Variants in SRGAP3 observed in about 807,000 individuals in gnomAD.
SRGAP3 encodes SLIT-ROBO Rho GTPase-activating protein 3.
Under a neutral mutation model 121.1 loss-of-function variants are expected in SRGAP3, and 39 were observed. That is an observed-to-expected ratio of 0.32 (90% CI 0.25 to 0.42). The LOEUF is 0.42. Among genes scored for constraint, SRGAP3 ranks in the 10% least tolerant of loss-of-function variants. The pLI, the probability that SRGAP3 is intolerant of heterozygous loss-of-function variation, is 1.00. For synonymous variants in SRGAP3, 601 were observed against 570.0 expected, an observed-to-expected ratio of 1.05 and a Z score of -0.77; for missense variants, 1,213 against 1,470.6, an observed-to-expected ratio of 0.82 and a Z score of 2.86.
At chr3:9,024,727 G>C (rs897529387) in intron 14 of SRGAP3, among the ~76,000 whole-genome samples, 1 of 152,158 alleles carries the variant, frequency 6.6e-6, no homozygotes, top group Admixed American at 6.5e-5. Flanking sequence ...GCAATGTGTG[G>C]CTTGCCAAAA....
At chr3:9,073,400 C>T (rs918102931) in intron 4 of SRGAP3, among the ~76,000 whole-genome samples, 1 of 152,240 alleles carries the variant, frequency 6.6e-6, no homozygotes, top group African/African-American at 2.4e-5. Flanking sequence ...CTGACTTGGC[C>T]TCCCAAAGTG....
chr3:8,990,774 G>A lies in SRGAP3; in HGVS notation c.2624C>T (p.Pro875Leu), dbSNP rs761039298. 1.1e-5 allele frequency: 17 copies of A among 1,601,536 alleles called. No individual in the cohort carries two copies. Among genetic ancestry groups the A allele is most frequent in the South Asian group, 2.2e-5 (2 of 90,086 alleles). Reference sequence around the variant, plus strand: ...TATGCTGGGGCCCAGGCCCCGGGGCGGGCTGTGTGTGTCGCCCCCGCTTCG... The same window carrying A: ...TATGCTGGGGCCCAGGCCCCGGGGCAGGCTGTGTGTGTCGCCCCCGCTTCG... ...RRRSGGDTHS[P>L]PRGLGPSIDT... is the part of the protein sequence containing the mutation. Residue 875 changes from proline (P) to leucine (L), a missense_variant, in exon 21 of 22, where the codon CCG (proline) becomes CTG (leucine). Physicochemically the swap from Pro to Leu is moderately conservative, Grantham distance 98. Around this residue, in one of 2 missense-constraint regions of SRGAP3, gnomAD observed 420 missense variants for 437.7 expected, o/e 0.96. Transcript: ENST00000383836.
intron 11 of SRGAP3, 42 bp from the exon 12 acceptor site, chr3:9,032,794 C>T (rs1433374597): frequency 1.3e-6 from 2 of 1,547,746 alleles, no homozygotes; most frequent in South Asian, 2.2e-5. Context: ...AAGCAACCAA[C>T]ATAAACATAC....
In SRGAP3 at chr3:9,356,586, G is replaced by A. The variant is rs376968243; in HGVS notation, n.214+6254C>T. ...GATGGGGTTTCACCGTGTTAGCCAG[G>A]ATGGTCTCGATCTCCTGACCTCGTG... On this transcript the variant is annotated intron_variant and non_coding_transcript_variant, in intron 1 of 3. Transcript: ENST00000490889. 3.4e-4 allele frequency among the ~76,000 whole-genome samples: 51 copies of A among 151,810 alleles called. 1 individual carries two copies. The South Asian group carries it at 0.01, about 31-fold the overall frequency.
At chr3:9,287,011 G>GTTAT (rs1559260726) in intron 3 of SRGAP3, among the ~76,000 whole-genome samples, 1 of 117,288 alleles carries the variant, frequency 8.5e-6, no homozygotes, top group Non-Finnish European at 1.6e-5. Context: ...TTTTTTTTTG[G>GTTAT]GACAGGGTCT....
intron 1 of SRGAP3, among the ~76,000 whole-genome samples, chr3:9,170,316 A>G (rs891358708): frequency 6.6e-6 from 1 of 152,094 alleles, no homozygotes; most frequent in Non-Finnish European, 1.5e-5. Flanking sequence ...ACTTGGTAAC[A>G]TTGTCTTAGT....
At chr3:9,139,856 C>T (rs937630342) in intron 1 of SRGAP3, among the ~76,000 whole-genome samples, 1 of 152,106 alleles carries the variant, frequency 6.6e-6, no homozygotes, top group Non-Finnish European at 1.5e-5. Context: ...GTAGAGGAGT[C>T]AGCTGAGGCC....
At chr3:9,080,674 C>T (rs1024635574) in intron 3 of SRGAP3, among the ~76,000 whole-genome samples, 10 of 152,266 alleles carry the variant, frequency 6.6e-5, no homozygotes, top group Non-Finnish European at 1.0e-4. Context: ...GGTGGGTGAG[C>T]GGGCATTACC....
chr3:9,177,636 G>C (rs1951226890), intron 1 of SRGAP3, among the ~76,000 whole-genome samples: 1 of 152,208 alleles, frequency 6.6e-6, no homozygotes, highest in African/African-American at 2.4e-5. Context: ...TTTGAAGACA[G>C]TCAGACCAGC....
intron 3 of SRGAP3, among the ~76,000 whole-genome samples, chr3:9,259,454 A>G (rs1954207337): frequency 6.6e-6 from 1 of 152,062 alleles, no homozygotes; most frequent in African/African-American, 2.4e-5. Context: ...GACCTGAAAC[A>G]CCAGGTGCCC....
At chr3:9,332,594 C>CA (rs1324459977) in intron 1 of SRGAP3, among the ~76,000 whole-genome samples, 9 of 151,544 alleles carry the variant, frequency 5.9e-5, no homozygotes, top group South Asian at 2.1e-4. Flanking sequence ...GAAGATTACG[C>CA]AAAAAAAAGA....
chr3:9,013,235 G>T lies in SRGAP3; in HGVS notation c.2147+73C>A, dbSNP rs565228174. 2.8e-6 allele frequency: 4 copies of T among 1,452,034 alleles called. No individual in the cohort carries two copies. The African/African-American group carries it at 4.2e-5, about 15-fold the overall frequency. The allele number at this position is 1,452,034 out of a possible 1,614,324, so 89.9% of individuals were successfully genotyped here. A position where few individuals can be genotyped will look rare whatever the true frequency, so the allele number is the denominator to read the frequency against. On this transcript the variant is annotated intron_variant, in intron 17 of 21. Coordinates refer to ENST00000383836, the MANE Select transcript of SRGAP3 (RefSeq NM_014850.4). ...CTATCAAGCAGTAAGAAAACTGAAG[G>T]GTTTCTTATTGTTCCTATTCAATGG...
intron 1 of SRGAP3, among the ~76,000 whole-genome samples, chr3:9,238,627 C>T (rs1049232987): frequency 3.3e-5 from 5 of 152,050 alleles, no homozygotes; most frequent in African/African-American, 7.2e-5. Flanking sequence ...CGAACAAGCC[C>T]GGGGAGGGAG....
chr3:9,052,406 C>T (rs746899486), intron 9 of SRGAP3, among the ~76,000 whole-genome samples: 1 of 152,156 alleles, frequency 6.6e-6, no homozygotes, highest in Non-Finnish European at 1.5e-5. Context: ...CAGGCAGAGT[C>T]AGGATGGCCC....
rs566856031 is a variant in SRGAP3 at position 9,021,553 on chromosome 3, G to GA, written c.1678+3707dup. Among the ~76,000 whole-genome samples the GA allele has an allele frequency of 5.5e-3, 818 of 147,974 alleles. 10 individuals are homozygous for GA. The highest frequency in any genetic ancestry group is 9.1e-3 in the South Asian group (43 of 4,700). On this transcript the variant is annotated intron_variant, in intron 14 of 21. Transcript: ENST00000383836. ...AACTCTGGTTGACTCATATGAGAAG[G>GA]AAAAAAAAAAGTAGATTTAGGAATA...
chr3:9,351,490 C>A (rs1348366098), intron 1 of SRGAP3, among the ~76,000 whole-genome samples: 1 of 152,096 alleles, frequency 6.6e-6, no homozygotes, highest in Non-Finnish European at 1.5e-5. Flanking sequence ...GATCCCAATT[C>A]ACAAGCATCC....
intron 1 of SRGAP3, among the ~76,000 whole-genome samples, chr3:9,196,748 T>A (rs1951930641): frequency 1.3e-5 from 2 of 152,028 alleles, no homozygotes; most frequent in African/African-American, 4.8e-5. Context: ...CATGGAAAAA[T>A]GCAAAGATAA....
intron 3 of SRGAP3, among the ~76,000 whole-genome samples, chr3:9,277,738 G>A (rs780939728): frequency 3.9e-5 from 6 of 151,962 alleles, no homozygotes; most frequent in African/African-American, 9.7e-5. Flanking sequence ...TTGAGATGGC[G>A]CCACTACACT....
At chr3:9,087,929 TC>T (rs1325821197) in intron 3 of SRGAP3, among the ~76,000 whole-genome samples, 1 of 152,128 alleles carries the variant, frequency 6.6e-6, no homozygotes, top group Non-Finnish European at 1.5e-5. Flanking sequence ...CTCCCCAGTA[TC>T]AAGCCCTGGA....
Sources: gnomAD v4.1 joint callset for allele counts (sites outside exome capture counted in the v4.1 genomes callset) on GRCh38, gnomAD v4.1.1 for gene constraint, gnomAD v4.1.1 regional missense constraint, MANE v1.5 for transcripts, NCBI Gene and HGNC (gene_info 2026-07-23, HGNC 2026-07-21) for gene names.